SCN11A: variants seen among roughly 807,000 people sequenced by gnomAD.
SCN11A encodes sodium channel protein type 11 subunit alpha.
In SCN11A, 122 loss-of-function variants were observed where a neutral mutation model predicts 162.2. The observed-to-expected ratio is 0.75, with a 90% CI of 0.65 to 0.87. The LOEUF is 0.87. SCN11A is among the 40% of genes least tolerant of loss of function. SCN11A has a pLI of 0.00. For missense variants in SCN11A, 2,015 were observed against 2,181.6 expected (o/e 0.92, Z 1.52); for synonymous variants, 758 against 751.5 (o/e 1.01, Z -0.14).
At chr3:38,882,575 A>G (rs1335895653) in intron 22 of SCN11A, among the ~76,000 whole-genome samples, 1 of 152,140 alleles carries the variant, frequency 6.6e-6, no homozygotes, top group African/African-American at 2.4e-5. Flanking sequence ...AAAAGATACT[A>G]TCCCTCCCTA....
At chr3:39,016,942 T>C (rs2031305273) in intron 2 of SCN11A, among the ~76,000 whole-genome samples, 1 of 152,172 alleles carries the variant, frequency 6.6e-6, no homozygotes, top group Admixed American at 6.5e-5. Flanking sequence ...GGTTATAAAA[T>C]TATAAGTTGA....
intron 2 of SCN11A, among the ~76,000 whole-genome samples, chr3:39,020,272 C>T (rs945929880): frequency 6.6e-6 from 1 of 152,188 alleles, no homozygotes; most frequent in Non-Finnish European, 1.5e-5. Context: ...TTGATACTCA[C>T]TGATACTTGA....
At chr3:38,886,370 C>T (rs376177531) in intron 19 of SCN11A, 132 bp from the exon 20 acceptor site, 11 of 496,968 alleles carry the variant, frequency 2.2e-5, no homozygotes, top group East Asian at 1.2e-4. Context: ...TCTTTTTTCT[C>T]TTTAGAAACT....
intron 22 of SCN11A, among the ~76,000 whole-genome samples, chr3:38,880,909 A>G (rs2065298443): frequency 6.6e-6 from 1 of 152,188 alleles, no homozygotes; most frequent in African/African-American, 2.4e-5. Context: ...AGTTACTGAG[A>G]ATGAAAGAAA....
At chr3:38,848,448 T>C (rs1335099004) in intron 29 of SCN11A, among the ~76,000 whole-genome samples, 4 of 152,146 alleles carry the variant, frequency 2.6e-5, no homozygotes, top group African/African-American at 9.7e-5. Flanking sequence ...TTGAGTGTCC[T>C]GTAAGGTCAC....
At chr3:38,984,302 C>A (rs1428166510) in intron 2 of SCN11A, among the ~76,000 whole-genome samples, 1 of 152,230 alleles carries the variant, frequency 6.6e-6, no homozygotes, top group Non-Finnish European at 1.5e-5. Flanking sequence ...GGCTCTTCAA[C>A]ATTGCATTCA....
intron 7 of SCN11A, among the ~76,000 whole-genome samples, chr3:38,939,715 C>A (rs2066411265): frequency 6.6e-6 from 1 of 151,970 alleles, no homozygotes; most frequent in African/African-American, 2.4e-5. Context: ...ATCAGCCTGA[C>A]CAACATGGAG....
chr3:39,034,806 A>T (rs2031861920), intron 1 of SCN11A, among the ~76,000 whole-genome samples: 1 of 152,224 alleles, frequency 6.6e-6, no homozygotes, highest in Admixed American at 6.5e-5. Context: ...GCATTCCTGT[A>T]TGTCAATAGT....
intron 2 of SCN11A, among the ~76,000 whole-genome samples, chr3:38,969,466 C>A (rs2125586444): frequency 6.6e-6 from 1 of 152,222 alleles, no homozygotes; most frequent in Admixed American, 6.5e-5. Context: ...CACGGCCCCT[C>A]CTTAGGGAAC....
At chr3:38,880,837 C>A (rs2065297040) in intron 22 of SCN11A, among the ~76,000 whole-genome samples, 1 of 152,148 alleles carries the variant, frequency 6.6e-6, no homozygotes, top group Non-Finnish European at 1.5e-5. Context: ...CTCACGCAAA[C>A]TGTATGTGAT....
In SCN11A at chr3:38,894,643, C is replaced by A. The variant is rs33985936; in HGVS notation, c.2725G>T (p.Val909Phe). ...GCCAACCAAGTCCAATCATGCCTGA[C>A]GCCCAGGGTCTTTGGTACAGAGGTT... ...ILTSVPKTLGVRHDWTWLAPL... is the reference protein window; with the variant it reads ...ILTSVPKTLGFRHDWTWLAPL... The change falls in exon 19 of 30, where the codon GTC (valine) becomes TTC (phenylalanine). Residue 909 changes from valine to phenylalanine, a missense_variant. Transcript: ENST00000302328. The A allele has an allele frequency of 2.5e-6, 4 of 1,613,986 alleles. No individual in the cohort carries two copies. The East Asian group carries it at 8.9e-5, about 36-fold the overall frequency.
intron 2 of SCN11A, among the ~76,000 whole-genome samples, chr3:38,991,517 G>A (rs1287554072): frequency 6.6e-6 from 1 of 152,172 alleles, no homozygotes; most frequent in African/African-American, 2.4e-5. Context: ...TGTTTGACCT[G>A]ATAATGTTGT....
At chr3:38,898,313 C>T (rs1219050193) in intron 17 of SCN11A, among the ~76,000 whole-genome samples, 2 of 152,186 alleles carry the variant, frequency 1.3e-5, no homozygotes, top group African/African-American at 4.8e-5. Context: ...TTTCAGCATC[C>T]ATAAATAAAG....
rs2065958001 is a variant in SCN11A, at chr3:38,916,130, CT to C, written c.959+3804del. ...TCTGAAATTAAGATTGCAACTTCTG[CT>C]TTTTTTCTGATTTCCATTTGCTTGG... On this transcript the variant is annotated intron_variant, in intron 11 of 29. Transcript: ENST00000302328. 2.6e-5 allele frequency among the ~76,000 whole-genome samples: 4 copies of C among 152,168 alleles called. 1 individual carries two copies. The South Asian group carries it at 6.2e-4, about 24-fold the overall frequency.
At chr3:38,940,091 G>A (rs1219973616) in intron 7 of SCN11A, among the ~76,000 whole-genome samples, 2 of 149,742 alleles carry the variant, frequency 1.3e-5, no homozygotes, top group Admixed American at 6.7e-5. Context: ...TATATAACAA[G>A]GCAACTAGTT....
intron 22 of SCN11A, among the ~76,000 whole-genome samples, chr3:38,881,382 A>C (rs954914579): frequency 6.6e-6 from 1 of 152,138 alleles, no homozygotes; most frequent in Non-Finnish European, 1.5e-5. Context: ...TTGAGGATAA[A>C]CAAATCTGAA....
chr3:38,958,031 T>C (rs2066702599), intron 3 of SCN11A, among the ~76,000 whole-genome samples: 1 of 152,204 alleles, frequency 6.6e-6, no homozygotes, highest in Non-Finnish European at 1.5e-5. Flanking sequence ...GGCAACGTAG[T>C]GTGAAAGCAC....
chr3:39,029,660 T>C (rs2031695131), intron 2 of SCN11A, among the ~76,000 whole-genome samples: 1 of 152,228 alleles, frequency 6.6e-6, no homozygotes. Flanking sequence ...TACTGAGTTG[T>C]TACCTTCTCA....
chr3:38,934,454 A>G (rs1575311271), intron 7 of SCN11A, among the ~76,000 whole-genome samples: 1 of 152,364 alleles, frequency 6.6e-6, no homozygotes, highest in East Asian at 1.9e-4. Flanking sequence ...GTCAAGACCC[A>G]TCAGTGTGCT....
Sources: allele counts gnomAD v4.1 joint callset (sites outside exome capture counted in the v4.1 genomes callset), GRCh38; gene constraint gnomAD v4.1.1; transcripts MANE v1.5; gene names NCBI Gene and HGNC (gene_info 2026-07-23, HGNC 2026-07-21).